The following RRAGD variants were observed in gnomAD, a reference collection of about 807,000 sequenced individuals.
RRAGD encodes ras-related GTP-binding protein D.
RRAGD carries 12 observed loss-of-function variants against 35.5 expected under a neutral mutation model. That is an observed-to-expected ratio of 0.34 (90% CI 0.22 to 0.55). RRAGD has a LOEUF of 0.55. Among genes scored for constraint, RRAGD ranks in the 20% least tolerant of loss-of-function variants. RRAGD has a pLI of 0.91. For missense variants in RRAGD, 324 were observed against 490.1 expected, an observed-to-expected ratio of 0.66 and a Z score of 3.20; for synonymous variants, 155 against 178.9, an observed-to-expected ratio of 0.87 and a Z score of 1.07.
At chr6:89,372,673 A>G in intron 5 of RRAGD, 88 bp from the exon 6 acceptor site, 1 of 1,324,014 alleles carries the variant, frequency 7.6e-7, no homozygotes. Context: ...TTTAAGCCAC[A>G]AAAAGTGATA....
At chr6:89,404,112 T>G (rs1179571481) in intron 1 of RRAGD, among the ~76,000 whole-genome samples, 1 of 152,256 alleles carries the variant, frequency 6.6e-6, no homozygotes, top group African/African-American at 2.4e-5. Flanking sequence ...CTTCTGCCTT[T>G]CTGTAAAATT....
chr6:89,367,400 C>T lies in RRAGD; in HGVS notation c.*656G>A, dbSNP rs1296050790. ...TTGAGGTAAACAGCTTCATAAAAAC[C>T]GTTGAGCAGGGAAGCACAGCCACTG... On this transcript the variant is annotated 3_prime_UTR_variant, in exon 7 of 7. Transcript: ENST00000369415. 2.6e-5 allele frequency: 4 copies of T among 152,108 alleles called. No homozygotes were observed. The highest frequency in any genetic ancestry group is 7.2e-5 in the African/African-American group (3 of 41,398). The allele number at this position is 152,108 out of a possible 1,614,324, so 9.4% of individuals were successfully genotyped here.
At chr6:89,383,291 T>C (rs943380824) in intron 2 of RRAGD, among the ~76,000 whole-genome samples, 3 of 152,100 alleles carry the variant, frequency 2.0e-5, no homozygotes, top group Non-Finnish European at 4.4e-5. Flanking sequence ...CAAGAGAGCA[T>C]CACATCTCCA....
intron 1 of RRAGD, among the ~76,000 whole-genome samples, chr6:89,406,540 G>C (rs1255443325): frequency 6.6e-6 from 1 of 152,072 alleles, no homozygotes; most frequent in African/African-American, 2.4e-5. Context: ...GAGCACACCA[G>C]TTTGGCCGGA....
chr6:89,412,163 G>C lies in RRAGD; in HGVS notation c.-170C>G. 1.9e-6 allele frequency: 1 copy of C among 513,250 alleles called. No homozygotes were observed. The highest frequency in any genetic ancestry group is 4.0e-5 in the East Asian group (1 of 24,858). 31.8% of individuals were successfully genotyped at this position (513,250 alleles called of 1,614,324 possible). On this transcript the variant is annotated 5_prime_UTR_variant, in exon 1 of 7. Transcript: ENST00000369415. This position sits in a 1 kb window ranked among gnomAD's most constrained non-coding sequence, Gnocchi z 4.2. ...CCCCGGCGGGCGGCGCCCAGGTCCGGGTCCCGCGGTTCCCAGCGCGCCCGA... is the reference window on the plus strand; with the variant it reads ...CCCCGGCGGGCGGCGCCCAGGTCCGCGTCCCGCGGTTCCCAGCGCGCCCGA...
intron 2 of RRAGD, among the ~76,000 whole-genome samples, chr6:89,383,315 G>A (rs1161616931): frequency 3.3e-5 from 5 of 152,122 alleles, no homozygotes; most frequent in African/African-American, 1.2e-4. Context: ...ATTGGAAATT[G>A]CTACTCTAAC....
chr6:89,393,057 T>C (rs1769266655), intron 1 of RRAGD, among the ~76,000 whole-genome samples: 1 of 152,216 alleles, frequency 6.6e-6, no homozygotes, highest in Non-Finnish European at 1.5e-5. Flanking sequence ...GGGCATGAAC[T>C]GAAAATGAAA....
intron 1 of RRAGD, among the ~76,000 whole-genome samples, chr6:89,398,766 G>A (rs1266675315): frequency 6.6e-6 from 1 of 152,226 alleles, no homozygotes; most frequent in Non-Finnish European, 1.5e-5. Context: ...TTTCACAGGT[G>A]AAGAAATTCT....
At chr6:89,376,364 G>T (rs1014648899) in intron 5 of RRAGD, among the ~76,000 whole-genome samples, 2 of 151,790 alleles carry the variant, frequency 1.3e-5, no homozygotes, top group Non-Finnish European at 2.9e-5. Flanking sequence ...GAGAATCCGA[G>T]CTGAGTGGGC....
At position 89,394,304 on chromosome 6, in the gene RRAGD, A is replaced by T. The variant is rs1216508815; in HGVS notation, c.149-6714T>A. The stretch of plus-strand genomic sequence containing the variant: ...GGAACAAAAAGAGAAGTGAAAAAAA[A>T]TTTTTTAAATCAAGGATAACAATAA... On this transcript the variant is annotated intron_variant, in intron 1 of 6. Transcript: ENST00000369415. 5.3e-5 allele frequency among the ~76,000 whole-genome samples: 8 copies of T among 152,260 alleles called. No individual in the cohort carries two copies. In the South Asian group the frequency reaches 1.0e-3, roughly 20 times the overall value.
rs1159911839 is a variant in RRAGD, at chr6:89,367,890, CTTTA to C, written c.*162_*165del. On this transcript the variant is annotated 3_prime_UTR_variant, in exon 7 of 7. Transcript: ENST00000369415. ...ACAAGTTTTTGCTTCAAAGTGCTTA[CTTTA>C]TTTATAAAAGAGAAGATCAAGAGGG... The C allele has an allele frequency of 3.6e-5, 19 of 531,066 alleles. No individual in the cohort carries two copies. The South Asian group carries it at 3.7e-4, about 10-fold the overall frequency. The allele number at this position is 531,066 out of a possible 1,614,324, so 32.9% of individuals were successfully genotyped here.
chr6:89,378,558 G>A (rs1020160614), intron 4 of RRAGD, among the ~76,000 whole-genome samples: 10 of 152,164 alleles, frequency 6.6e-5, no homozygotes, highest in African/African-American at 2.2e-4. Flanking sequence ...ACCTGGAGCT[G>A]GTGATGTGTA....
chr6:89,387,627 C>T, intron 1 of RRAGD, 37 bp from the exon 2 acceptor site: 1 of 1,572,112 alleles, frequency 6.4e-7, no homozygotes, highest in Non-Finnish European at 8.7e-7. Flanking sequence ...AGGTGAGATG[C>T]TTTCACAGAG....
In RRAGD at chr6:89,364,617, T is replaced by C. The variant is rs1460800896; in HGVS notation, c.*3439A>G. The C allele has an allele frequency of 1.3e-5, 2 of 152,190 alleles. No individual in the cohort carries two copies. The highest frequency in any genetic ancestry group is 4.8e-5 in the African/African-American group (2 of 41,442). 9.4% of individuals were successfully genotyped at this position (152,190 alleles called of 1,614,324 possible). On this transcript the variant is annotated 3_prime_UTR_variant, in exon 7 of 7. Transcript: ENST00000369415. ...AAAAATGTGGAGATGTAAGAGAGTT[T>C]AAAAATAAAAGCATAAATTAAATTT...
chr6:89,412,024 G>A lies in RRAGD; in HGVS notation c.-31C>T. On this transcript the variant is annotated 5_prime_UTR_variant, in exon 1 of 7. Transcript: ENST00000369415. The surrounding 1 kb of genome is among the most constrained non-coding windows in gnomAD (Gnocchi z 4.2). ...CCACCGGCCGGCCGGCCCGGGGACG[G>A]CGGGGGTCCCGGGGTGGGGGCCAAG... The A allele has an allele frequency of 1.3e-6, 2 of 1,518,966 alleles. No homozygotes were observed. The highest frequency in any genetic ancestry group is 1.2e-5 in the South Asian group (1 of 81,956). The allele number at this position is 1,518,966 out of a possible 1,614,324, so 94.1% of individuals were successfully genotyped here. A position where few individuals can be genotyped will look rare whatever the true frequency, so the allele number is the denominator to read the frequency against.
chr6:89,367,697 A>T lies in RRAGD; in HGVS notation c.*359T>A, dbSNP rs1225292481. ...GTCCTTGACACCAAGTACAGAAAAA[A>T]AGCTTAGAAAAGTCGTTTTATCAAA... On this transcript the variant is annotated 3_prime_UTR_variant, in exon 7 of 7. Coordinates refer to ENST00000369415, the MANE Select transcript of RRAGD (RefSeq NM_021244.5). The T allele has an allele frequency of 5.6e-6, 1 of 177,506 alleles. No individual in the cohort carries two copies. The highest frequency in any genetic ancestry group is 1.2e-5 in the Non-Finnish European group (1 of 85,072). The allele number at this position is 177,506 out of a possible 1,614,324, so 11.0% of individuals were successfully genotyped here.
In RRAGD at chr6:89,368,044, C is replaced by T. The variant is rs1768784759; in HGVS notation, c.*12G>A. 6.3e-7 allele frequency: 1 copy of T among 1,585,870 alleles called. No homozygotes were observed. The highest frequency in any genetic ancestry group is 8.6e-7 in the Non-Finnish European group (1 of 1,167,406). On this transcript the variant is annotated 3_prime_UTR_variant, in exon 7 of 7. Transcript: ENST00000369415. ...TAAGGTCTGATTTCAAAAGACATTC[C>T]TGAAACCTCACCTACAGCAGCACTC...
At chr6:89,373,380 G>A (rs2127884862) in intron 5 of RRAGD, among the ~76,000 whole-genome samples, 1 of 152,254 alleles carries the variant, frequency 6.6e-6, no homozygotes, top group Admixed American at 6.5e-5. Flanking sequence ...TAGCACTTGG[G>A]AGACAGGTAG....
At chr6:89,375,320 AAC>A (rs1457114867) in intron 5 of RRAGD, among the ~76,000 whole-genome samples, 1 of 152,260 alleles carries the variant, frequency 6.6e-6, no homozygotes. Context: ...AAATTAGAAA[AAC>A]AGACTCCACC....
Sources: allele counts gnomAD v4.1 joint callset (sites outside exome capture counted in the v4.1 genomes callset), GRCh38; gene constraint gnomAD v4.1.1; non-coding constraint Gnocchi (gnomAD v3.1); transcripts MANE v1.5; gene names NCBI Gene and HGNC (gene_info 2026-07-23, HGNC 2026-07-21).